The following AGBL4 variants were observed in gnomAD, a reference collection of about 807,000 sequenced individuals.
The protein encoded by AGBL4 is cytosolic carboxypeptidase 6.
In AGBL4, 58 loss-of-function variants were observed where a neutral mutation model predicts 66.4. The observed-to-expected ratio is 0.87, with a 90% CI of 0.71 to 1.09. AGBL4 has a LOEUF of 1.09. Ranked by LOEUF, AGBL4 falls within the 50% of genes least tolerant of loss-of-function variation. AGBL4 has a pLI of 0.00. For missense variants in AGBL4, 579 were observed against 631.0 expected, an observed-to-expected ratio of 0.92 and a Z score of 0.88; for synonymous variants, 234 against 222.9, an observed-to-expected ratio of 1.05 and a Z score of -0.44.
chr1:49,545,671 T>A (rs1652418201), intron 3 of AGBL4, among the ~76,000 whole-genome samples: 1 of 152,154 alleles, frequency 6.6e-6, no homozygotes, highest in African/African-American at 2.4e-5. Context: ...CTGTAAGGAT[T>A]AAATGAAACA....
At chr1:48,556,071 T>C (rs1239441415) in intron 11 of AGBL4, among the ~76,000 whole-genome samples, 2 of 152,118 alleles carry the variant, frequency 1.3e-5, no homozygotes, top group African/African-American at 2.4e-5. Context: ...ATGTGCCAAG[T>C]AGCTATTATG....
intron 6 of AGBL4, among the ~76,000 whole-genome samples, chr1:48,838,748 A>G (rs751944037): frequency 1.3e-5 from 2 of 152,176 alleles, no homozygotes; most frequent in Non-Finnish European, 2.9e-5. Context: ...AAGTGAAGAG[A>G]CAAACTACAG....
chr1:49,955,044 A>G, intron 1 of AGBL4, among the ~76,000 whole-genome samples: 1 of 151,918 alleles, frequency 6.6e-6, no homozygotes, highest in East Asian at 1.9e-4. Flanking sequence ...TTCCCGAAAT[A>G]TGTTTACCCC....
At chr1:49,747,987 G>A (rs932579332) in intron 2 of AGBL4, among the ~76,000 whole-genome samples, 2 of 151,204 alleles carry the variant, frequency 1.3e-5, no homozygotes, top group Non-Finnish European at 3.0e-5. Flanking sequence ...TGCAGACAAA[G>A]AAAGATTTAT....
At chr1:49,071,983 C>A (rs778196850) in intron 4 of AGBL4, among the ~76,000 whole-genome samples, 21 of 152,100 alleles carry the variant, frequency 1.4e-4, no homozygotes, top group Non-Finnish European at 2.9e-4. Context: ...GAATTGATCC[C>A]TTTACCATTA....
At position 49,937,572 on chromosome 1, in the gene AGBL4, T is replaced by C. The variant is rs1040700604; in HGVS notation, c.35-86054A>G. ...GCACCACACCACACCTATTCCAAAA[T>C]TGACCACATAGTTGGAAGTAAAGCA... On this transcript the variant is annotated intron_variant, in intron 1 of 13. Coordinates refer to ENST00000371839, the MANE Select transcript of AGBL4 (RefSeq NM_032785.4). Among the ~76,000 whole-genome samples, 39 of 151,206 alleles carry C rather than the reference T, an allele frequency of 2.6e-4. 1 individual carries two copies. Among genetic ancestry groups the C allele is most frequent in the Admixed American group, 6.6e-4 (10 of 15,194 alleles).
chr1:48,762,717 T>C (rs1644341073), intron 6 of AGBL4, among the ~76,000 whole-genome samples: 3 of 151,202 alleles, frequency 2.0e-5, no homozygotes, highest in African/African-American at 7.3e-5. Context: ...GCTTCTCTCC[T>C]ACAACTTGTT....
intron 5 of AGBL4, 50 bp from the exon 6 acceptor site, chr1:48,867,280 A>G: frequency 6.3e-7 from 1 of 1,599,902 alleles, no homozygotes; most frequent in Non-Finnish European, 8.6e-7. Flanking sequence ...CAGAGCCAAA[A>G]TTGTGCTTAG....
intron 3 of AGBL4, among the ~76,000 whole-genome samples, chr1:49,682,237 C>T (rs1388750590): frequency 2.6e-5 from 4 of 152,022 alleles, no homozygotes; most frequent in African/African-American, 7.2e-5. Flanking sequence ...GAAACCCCAT[C>T]TCTATTAAAA....
Position 48,616,731 on chromosome 1 carries a change from A to T in AGBL4, c.951+17762T>A, listed in dbSNP as rs117525195. Among the ~76,000 whole-genome samples, 118 of 152,332 alleles carry T rather than the reference A, an allele frequency of 7.7e-4. No individual in the cohort carries two copies. The East Asian group carries it at 0.011, about 14-fold the overall frequency. ...TCTAATTACCAGAGATGGGAGTAGAACCCAAAGCTTCAGAATCCTTAGTGT... is the reference window on the plus strand; with the variant it reads ...TCTAATTACCAGAGATGGGAGTAGATCCCAAAGCTTCAGAATCCTTAGTGT... On this transcript the variant is annotated intron_variant, in intron 9 of 13. Transcript: ENST00000371839.
At chr1:49,917,338 C>A (rs1245514648) in intron 1 of AGBL4, among the ~76,000 whole-genome samples, 1 of 151,800 alleles carries the variant, frequency 6.6e-6, no homozygotes, top group Non-Finnish European at 1.5e-5. Flanking sequence ...ATTCAGGAAA[C>A]CCATCTCGTG....
chr1:48,788,051 A>G (rs1046406149), intron 6 of AGBL4, among the ~76,000 whole-genome samples: 1 of 152,230 alleles, frequency 6.6e-6, no homozygotes, highest in African/African-American at 2.4e-5. Context: ...CTTTTAACTC[A>G]GTTTTGGGCT....
At chr1:48,953,171 T>C (rs996135093) in intron 5 of AGBL4, among the ~76,000 whole-genome samples, 7 of 152,144 alleles carry the variant, frequency 4.6e-5, no homozygotes, top group African/African-American at 1.7e-4. Context: ...GCTCACACAA[T>C]GAGCTGAAGG....
intron 2 of AGBL4, among the ~76,000 whole-genome samples, chr1:49,706,721 T>A (rs1357847505): frequency 2.6e-5 from 4 of 152,192 alleles, no homozygotes; most frequent in African/African-American, 9.6e-5. Context: ...GCTTTAGCTG[T>A]GTCCCAGAGA....
chr1:48,591,548 G>A lies in AGBL4; in HGVS notation c.952-563C>T, dbSNP rs368837670. 2.4e-3 allele frequency among the ~76,000 whole-genome samples: 369 copies of A among 152,036 alleles called. 2 individuals are homozygous for A. The highest frequency in any genetic ancestry group is 7.2e-3 in the African/African-American group (300 of 41,448). On this transcript the variant is annotated intron_variant, in intron 9 of 13. Transcript: ENST00000371839. ...AATTCAAACCTCAGAGCATTATATC[G>A]GGAATCAAACACAGCAATAATAATT...
intron 1 of AGBL4, among the ~76,000 whole-genome samples, chr1:49,883,322 C>T: frequency 6.6e-6 from 1 of 151,968 alleles, no homozygotes. Context: ...GAAGTCCTAC[C>T]CAACCTGTAG....
At chr1:48,696,048 C>T (rs1026126450) in intron 6 of AGBL4, among the ~76,000 whole-genome samples, 4 of 152,166 alleles carry the variant, frequency 2.6e-5, no homozygotes, top group Non-Finnish European at 2.9e-5. Context: ...AGGCTGTCTG[C>T]GCTGGCCCTG....
chr1:48,565,722 T>C (rs1041456529), intron 11 of AGBL4, among the ~76,000 whole-genome samples: 34 of 152,202 alleles, frequency 2.2e-4, no homozygotes, highest in African/African-American at 7.7e-4. Context: ...TTTTACTCTC[T>C]GGACTTCAGT....
At chr1:49,916,914 A>T (rs1651580679) in intron 1 of AGBL4, among the ~76,000 whole-genome samples, 1 of 152,208 alleles carries the variant, frequency 6.6e-6, no homozygotes, top group African/African-American at 2.4e-5. Flanking sequence ...GCCAGAAGAG[A>T]GTGGGGGCCA....
Sources: allele counts gnomAD v4.1 joint callset (sites outside exome capture counted in the v4.1 genomes callset), GRCh38; gene constraint gnomAD v4.1.1; transcripts MANE v1.5; gene names NCBI Gene and HGNC (gene_info 2026-07-23, HGNC 2026-07-21).